RPS10: variants seen among roughly 807,000 people sequenced by gnomAD.
RPS10 encodes the protein ribosomal protein S10, also known as small ribosomal subunit protein eS10.
In RPS10, 2 loss-of-function variants were observed where a neutral mutation model predicts 22.6. The ratio of observed to expected loss-of-function variants is 0.09; its 90% CI spans 0.04 to 0.28. RPS10 has a LOEUF of 0.28. Ranked by LOEUF, RPS10 falls within the 10% of genes least tolerant of loss-of-function variation. The probability of loss-of-function intolerance (pLI) is 1.00; values close to 1 mark genes in which losing one functional copy is unlikely to be tolerated. For missense variants in RPS10, 137 were observed against 222.2 expected (o/e 0.62, Z 2.44); for synonymous variants, 70 against 75.9 (o/e 0.92, Z 0.40).
In RPS10 at chr6:34,417,563, C is replaced by T. The variant is rs1765621391; in HGVS notation, c.457-16G>A. ...ATCCGCCTCTCTGTAAGAGAAAGCA[C>T]ATCACATCAGCATGAGCGGCACTCT... On this transcript the variant is annotated splice_polypyrimidine_tract_variant and intron_variant, in intron 5 of 5. Coordinates refer to ENST00000648437, the MANE Select transcript of RPS10 (RefSeq NM_001014.5). 1 of 1,613,578 alleles carries T rather than the reference C, an allele frequency of 6.2e-7. No individual in the cohort carries two copies. The highest frequency in any genetic ancestry group is 8.5e-7 in the Non-Finnish European group (1 of 1,179,862).
chr6:34,418,460 G>A (rs758371386), intron 4 of RPS10, 36 bp from the exon 5 acceptor site: 1 of 1,614,056 alleles, frequency 6.2e-7, no homozygotes, highest in Non-Finnish European at 8.5e-7. Context: ...ATCATCATAT[G>A]ATCTAATCTA....
intron 2 of RPS10, 29 bp downstream of exon 2, chr6:34,425,043 C>T (rs1259898859): frequency 1.2e-6 from 2 of 1,611,644 alleles, no homozygotes; most frequent in East Asian, 2.2e-5. Context: ...GGAGGAAGAT[C>T]CATCCCATCT....
intron 2 of RPS10, 88 bp from the exon 3 acceptor site, chr6:34,424,928 T>C (rs1244686257): frequency 1.2e-6 from 2 of 1,608,180 alleles, no homozygotes; most frequent in East Asian, 2.2e-5. Context: ...CCCTTCAAGT[T>C]AGCAAGCAGC....
At chr6:34,420,422 T>C (rs543730377) in intron 4 of RPS10, among the ~76,000 whole-genome samples, 11 of 152,190 alleles carry the variant, frequency 7.2e-5, no homozygotes, top group Non-Finnish European at 1.3e-4. Context: ...TTTACCATGC[T>C]GGCCAGGCTG....
intron 4 of RPS10, among the ~76,000 whole-genome samples, chr6:34,418,738 A>T (rs1581923099): frequency 6.6e-6 from 1 of 152,152 alleles, no homozygotes; most frequent in East Asian, 1.9e-4. Flanking sequence ...AAGGGAGTGT[A>T]ATTATGGAAG....
chr6:34,424,366 T>C (rs1387090310), intron 3 of RPS10: 15 of 383,272 alleles, frequency 3.9e-5, no homozygotes, highest in Non-Finnish European at 6.9e-5. Flanking sequence ...TTCTCGGGAA[T>C]AGTACAACGC....
chr6:34,423,190 T>G (rs1765827410), intron 3 of RPS10, among the ~76,000 whole-genome samples: 1 of 152,108 alleles, frequency 6.6e-6, no homozygotes, highest in Non-Finnish European at 1.5e-5. Flanking sequence ...TTTTTTTTTT[T>G]GACACAGTGT....
intron 3 of RPS10, chr6:34,424,140 T>TTAA (rs1554164086): frequency 6.1e-5 from 3 of 49,142 alleles, no homozygotes; most frequent in African/African-American, 1.1e-4. Context: ...AAGACTCCGT[T>TTAA]AAAAAAAAAA....
chr6:34,417,824 T>C (rs1765629810), intron 5 of RPS10: 3 of 718,578 alleles, frequency 4.2e-6, no homozygotes, highest in East Asian at 2.7e-5. Flanking sequence ...AGCACCAGGA[T>C]TGGACCGTTT....
chr6:34,417,685 T>C (rs1157819161), intron 5 of RPS10, 138 bp from the exon 6 acceptor site: 1 of 806,864 alleles, frequency 1.2e-6, no homozygotes, highest in East Asian at 2.6e-5. Context: ...GTACAGGCTA[T>C]AAATCCCAGC....
intron 3 of RPS10, chr6:34,424,353 G>C (rs2113804778): frequency 2.5e-5 from 9 of 354,936 alleles, no homozygotes; most frequent in South Asian, 2.4e-4. Context: ...CTTTGCTTTG[G>C]ACTTCTCGGG....
chr6:34,424,292 C>T (rs1765877120), intron 3 of RPS10: 1 of 289,806 alleles, frequency 3.5e-6, no homozygotes, highest in East Asian at 8.2e-5. Context: ...ATTTCTTCTC[C>T]TGTTGGCAAG....
At chr6:34,419,021 ATT>A (rs1200723872) in intron 4 of RPS10, among the ~76,000 whole-genome samples, 1 of 151,888 alleles carries the variant, frequency 6.6e-6, no homozygotes, top group East Asian at 1.9e-4. Context: ...TAATTTTTAT[ATT>A]TTTTGTTCGT....
chr6:34,421,699 C>A, intron 4 of RPS10, 31 bp downstream of exon 4: 1 of 1,612,396 alleles, frequency 6.2e-7, no homozygotes. Context: ...TTCACCCCAA[C>A]ACCCCTAATA....
chr6:34,418,308 G>A (rs191872288), intron 5 of RPS10, 61 bp downstream of exon 5: 5 of 1,613,146 alleles, frequency 3.1e-6, no homozygotes, highest in African/African-American at 1.3e-5. Flanking sequence ...AACTTGCAGA[G>A]CAACCAGACT....
At chr6:34,418,449 AATC>A (rs1170113235) in intron 4 of RPS10, 25 bp from the exon 5 acceptor site, 2 of 1,614,188 alleles carry the variant, frequency 1.2e-6, no homozygotes, top group African/African-American at 1.3e-5. Flanking sequence ...ATCGATTTAG[AATC>A]ATCATATGAT....
rs186675594 is a variant in RPS10 at position 34,420,733 on chromosome 6, G to A, written c.400+997C>T. Among the ~76,000 whole-genome samples the A allele has an allele frequency of 6.3e-3, 955 of 152,124 alleles. 5 individuals are homozygous for A. The highest frequency in any genetic ancestry group is 0.011 in the Non-Finnish European group (735 of 68,000). ...AACGAGTGACTTTATCCGGGTGGGC[G>A]CGGTGGCTCACATCTGTAATCCCAG... On this transcript the variant is annotated intron_variant, in intron 4 of 5. Coordinates refer to ENST00000648437, the MANE Select transcript of RPS10 (RefSeq NM_001014.5).
intron 4 of RPS10, among the ~76,000 whole-genome samples, chr6:34,419,870 G>A (rs1365902902): frequency 3.3e-5 from 5 of 152,076 alleles, no homozygotes; most frequent in East Asian, 1.9e-4. Flanking sequence ...GGGCCACCGC[G>A]CCCGGCCCTG....
chr6:34,425,229 A>G lies in RPS10; in HGVS notation c.1-8T>C, dbSNP rs1304625765. 3 of 1,604,098 alleles carry G rather than the reference A, an allele frequency of 1.9e-6. No individual in the cohort carries two copies. In the Admixed American group the frequency reaches 5.2e-5, roughly 28 times the overall value. On this transcript the variant is annotated splice_region_variant and splice_polypyrimidine_tract_variant and intron_variant, in intron 1 of 5. Transcript: ENST00000648437. ...CTTCTTAGGCATCAACATCTGCAAG[A>G]AGGAGACGATTGTCAAGAGCACTTC...
Sources: gnomAD v4.1 joint callset for allele counts (sites outside exome capture counted in the v4.1 genomes callset) on GRCh38, gnomAD v4.1.1 for gene constraint, MANE v1.5 for transcripts, NCBI Gene and HGNC (gene_info 2026-07-23, HGNC 2026-07-21) for gene names.